The following CLASP2 variants were observed in gnomAD, a reference collection of about 807,000 sequenced individuals.
CLASP2 encodes the protein CLIP-associating protein 2.
In CLASP2, 47 loss-of-function variants were observed where a neutral mutation model predicts 194.4. The ratio of observed to expected loss-of-function variants is 0.24; its 90% CI spans 0.19 to 0.31. The LOEUF (loss-of-function observed/expected upper bound fraction) is 0.31. Among genes scored for constraint, CLASP2 ranks in the 10% least tolerant of loss-of-function variants. The pLI is 1.00. For missense variants in CLASP2, 1,445 were observed against 1,823.6 expected (o/e 0.79, Z 3.78); for synonymous variants, 619 against 633.5 (o/e 0.98, Z 0.34).
rs760831569 is a variant in CLASP2 at position 33,551,312 on chromosome 3, G to A, written c.3093C>T (p.Arg1031=). The change falls in exon 30 of 39, where the codon CGC becomes CGT. Residue 1031 remains arginine (R), a synonymous_variant. Transcript: ENST00000682230. ...AAGTGATGACCCGAGACACTGCTAGGCGAGTTTCACTGGAATTTATAAAAT... is the reference window on the plus strand; with the variant it reads ...AAGTGATGACCCGAGACACTGCTAGACGAGTTTCACTGGAATTTATAAAAT... ...PGDFINSSET[R]LAVSRVITWT... is the part of the protein sequence containing the mutation. 6.2e-7 allele frequency: 1 copy of A among 1,613,694 alleles called. No individual in the cohort carries two copies. The highest frequency in any genetic ancestry group is 1.1e-5 in the South Asian group (1 of 91,058).
intron 22 of CLASP2, among the ~76,000 whole-genome samples, chr3:33,584,313 C>T (rs530357814): frequency 1.0e-4 from 15 of 147,480 alleles, no homozygotes; most frequent in South Asian, 2.2e-4. Context: ...ACAGAGTCTC[C>T]GTTGCCCAGG....
At chr3:33,706,650 T>G (rs540556895) in intron 1 of CLASP2, among the ~76,000 whole-genome samples, 1 of 152,286 alleles carries the variant, frequency 6.6e-6, no homozygotes, top group South Asian at 2.1e-4. Context: ...ACTCATGACA[T>G]ATTTTTCTTT....
chr3:33,657,978 T>G (rs1410146290), intron 7 of CLASP2, among the ~76,000 whole-genome samples: 1 of 152,122 alleles, frequency 6.6e-6, no homozygotes, highest in African/African-American at 2.4e-5. Flanking sequence ...CTTAAGAACC[T>G]GGCAAAAAAA....
intron 21 of CLASP2, among the ~76,000 whole-genome samples, chr3:33,587,113 T>C (rs540006011): frequency 3.3e-4 from 50 of 152,204 alleles, no homozygotes; most frequent in African/African-American, 1.0e-3. Context: ...GCTGGCGATC[T>C]GTGATTCTTT....
intron 6 of CLASP2, among the ~76,000 whole-genome samples, chr3:33,670,459 G>C (rs1302936181): frequency 6.6e-6 from 1 of 152,128 alleles, no homozygotes; most frequent in Non-Finnish European, 1.5e-5. Flanking sequence ...AGTAATTCCT[G>C]CCTCTGATTT....
intron 6 of CLASP2, among the ~76,000 whole-genome samples, chr3:33,682,575 A>G (rs1265242799): frequency 6.6e-6 from 1 of 152,330 alleles, no homozygotes; most frequent in South Asian, 2.1e-4. Flanking sequence ...ATGAAGAAAA[A>G]GAAATACTTT....
chr3:33,570,856 T>C, intron 25 of CLASP2, 66 bp from the exon 26 acceptor site: 1 of 1,307,330 alleles, frequency 7.6e-7, no homozygotes, highest in Non-Finnish European at 1.0e-6. Context: ...AAAGTAACTT[T>C]ACATATAATT....
chr3:33,663,596 CT>C, intron 6 of CLASP2, 81 bp from the exon 7 acceptor site: 1 of 985,780 alleles, frequency 1.0e-6, no homozygotes, highest in Non-Finnish European at 1.6e-6. Context: ...TCACCATTCC[CT>C]TAGAAAAAAC....
intron 19 of CLASP2, among the ~76,000 whole-genome samples, chr3:33,596,139 T>C (rs1162307381): frequency 3.9e-5 from 6 of 151,916 alleles, no homozygotes; most frequent in African/African-American, 1.5e-4. Context: ...AAAAATATCA[T>C]ACAGGGTTGT....
At chr3:33,526,836 A>C (rs1310592112) in intron 34 of CLASP2, among the ~76,000 whole-genome samples, 1 of 152,222 alleles carries the variant, frequency 6.6e-6, no homozygotes, top group Non-Finnish European at 1.5e-5. Flanking sequence ...TTGCTCAAAA[A>C]CATGCAATTA....
chr3:33,654,208 C>G lies in CLASP2; in HGVS notation c.715+9237G>C, dbSNP rs188649515. ...GTACAGGGATGAGCACAAGGAGCAA[C>G]TGAAAATCTACGGAATCGTTTTATC... On this transcript the variant is annotated intron_variant, in intron 7 of 38. Transcript: ENST00000682230. Among the ~76,000 whole-genome samples, 24 of 152,276 alleles carry G rather than the reference C, an allele frequency of 1.6e-4. 1 individual carries two copies. The East Asian group carries it at 3.3e-3, about 21-fold the overall frequency.
At chr3:33,561,592 A>G (rs1371111483) in intron 27 of CLASP2, among the ~76,000 whole-genome samples, 1 of 152,234 alleles carries the variant, frequency 6.6e-6, no homozygotes, top group Non-Finnish European at 1.5e-5. Context: ...ATTTTTAAAA[A>G]GTCCTAGATG....
At chr3:33,584,469 T>G (rs2066899729) in intron 22 of CLASP2, among the ~76,000 whole-genome samples, 1 of 151,212 alleles carries the variant, frequency 6.6e-6, no homozygotes, top group Non-Finnish European at 1.5e-5. Flanking sequence ...GACGGGGGTA[T>G]TGGCCAGGCT....
chr3:33,584,983 T>C (rs2067024577), intron 21 of CLASP2, 63 bp from the exon 22 acceptor site: 2 of 1,450,210 alleles, frequency 1.4e-6, no homozygotes, highest in South Asian at 2.7e-5. Flanking sequence ...GCTGAAAGGA[T>C]AAAAATTCAA....
chr3:33,683,931 C>CAAAAAA (rs35349805), intron 6 of CLASP2, among the ~76,000 whole-genome samples: 9 of 78,848 alleles, frequency 1.1e-4, no homozygotes, highest in Non-Finnish European at 1.5e-4. Context: ...GACTCTGTCT[C>CAAAAAA]AAAAAAAAAA....
In CLASP2 at chr3:33,552,387, G is replaced by A. The variant is rs111438333; in HGVS notation, c.3010-992C>T. Among the ~76,000 whole-genome samples, 983 of 152,256 alleles carry A rather than the reference G, an allele frequency of 6.5e-3. 7 individuals are homozygous for A. Among genetic ancestry groups the A allele is most frequent in the Non-Finnish European group, 0.011 (770 of 68,012 alleles). On this transcript the variant is annotated intron_variant, in intron 29 of 38. Transcript: ENST00000682230. ...CTGCCTCAGTCTCCCGAAGTGCTGG[G>A]ATTACAGGCGTGAGCCACCGTGCCC... is the stretch of plus-strand genomic sequence containing the variant.
chr3:33,565,365 G>A (rs553779858), intron 27 of CLASP2, among the ~76,000 whole-genome samples: 1 of 151,894 alleles, frequency 6.6e-6, no homozygotes, highest in Non-Finnish European at 1.5e-5. Context: ...ACTTTTAGTA[G>A]AGATAGGGTT....
intron 1 of CLASP2, among the ~76,000 whole-genome samples, chr3:33,708,693 T>C (rs2092852329): frequency 1.3e-5 from 2 of 151,924 alleles, no homozygotes; most frequent in East Asian, 1.9e-4. Flanking sequence ...CTCTTTGAGA[T>C]AGTGATTTAT....
intron 10 of CLASP2, among the ~76,000 whole-genome samples, chr3:33,626,449 C>T (rs2078065073): frequency 6.6e-6 from 1 of 151,916 alleles, no homozygotes; most frequent in Non-Finnish European, 1.5e-5. Context: ...AAATATTTTC[C>T]TTAAGGGATT....
Sources: gnomAD v4.1 joint callset for allele counts (sites outside exome capture counted in the v4.1 genomes callset) on GRCh38, gnomAD v4.1.1 for gene constraint, MANE v1.5 for transcripts, NCBI Gene and HGNC (gene_info 2026-07-23, HGNC 2026-07-21) for gene names.